TAS2R1: variants seen among roughly 807,000 people sequenced by gnomAD.
The protein encoded by TAS2R1 is taste receptor type 2 member 1.
For missense variants in TAS2R1, 370 were observed against 353.4 expected, an observed-to-expected ratio of 1.05 and a Z score of -0.38; for synonymous variants, 141 against 134.2, an observed-to-expected ratio of 1.05 and a Z score of -0.35.
At chr5:9,631,317 G>GC (rs1161990673), upstream of TAS2R1, among the ~76,000 whole-genome samples, 2 of 152,154 alleles carry the variant, frequency 1.3e-5, no homozygotes, top group African/African-American at 4.8e-5. Flanking sequence ...ACAGCTCACT[G>GC]CAGCTTCAAA....
rs373519747 is a variant in TAS2R1 at position 9,695,521 on chromosome 5, C to T, written c.-242+16651G>A. Reference sequence around the variant, plus strand: ...GGGTGAGGCAAGATGGGCCTAGATGCTGCATTTTGAAGATCTGAAGATGGA... The same window carrying T: ...GGGTGAGGCAAGATGGGCCTAGATGTTGCATTTTGAAGATCTGAAGATGGA... On this transcript the variant is annotated intron_variant, in intron 1 of 2. Transcript: ENST00000506620. 5.4e-4 allele frequency among the ~76,000 whole-genome samples: 82 copies of T among 150,666 alleles called. 3 individuals carry two copies. The South Asian group carries it at 0.017, about 31-fold the overall frequency.
At chr5:9,748,299 C>G in the TAS2R1 span, among the ~76,000 whole-genome samples, 1 of 152,068 alleles carries the variant, frequency 6.6e-6, no homozygotes, top group Non-Finnish European at 1.5e-5. Context: ...GTGGCACAAT[C>G]GCGGCTCACT....
chr5:9,840,044 G>T, the TAS2R1 span, among the ~76,000 whole-genome samples: 8 of 152,258 alleles, frequency 5.3e-5, no homozygotes, highest in Admixed American at 1.3e-4. Context: ...ACAAGCAAAT[G>T]AGATGAAAAG....
the TAS2R1 span, among the ~76,000 whole-genome samples, chr5:9,855,160 G>A: frequency 6.6e-6 from 1 of 152,144 alleles, no homozygotes; most frequent in Non-Finnish European, 1.5e-5. Flanking sequence ...TGACTGACTT[G>A]CAATCAGGGA....
chr5:9,635,384 C>T (rs1204019197), intron 2 of TAS2R1, among the ~76,000 whole-genome samples: 1 of 152,084 alleles, frequency 6.6e-6, no homozygotes, highest in Admixed American at 6.5e-5. Context: ...CTACTTTCAT[C>T]AGGGATATTG....
At chr5:9,790,538 CAT>C in the TAS2R1 span, among the ~76,000 whole-genome samples, 2 of 152,026 alleles carry the variant, frequency 1.3e-5, no homozygotes, top group Admixed American at 1.3e-4. Flanking sequence ...CTCACTTGCA[CAT>C]GTGTTGAAAT....
At chr5:9,855,685 T>C in the TAS2R1 span, among the ~76,000 whole-genome samples, 1 of 152,228 alleles carries the variant, frequency 6.6e-6, no homozygotes, top group African/African-American at 2.4e-5. Context: ...CTTGAGCCAT[T>C]TGAGTATAGC....
At chr5:9,668,510 A>C (rs754872918) in intron 1 of TAS2R1, among the ~76,000 whole-genome samples, 1 of 152,172 alleles carries the variant, frequency 6.6e-6, no homozygotes, top group Non-Finnish European at 1.5e-5. Context: ...ACAGCCAGAG[A>C]GAAGGGGCAG....
the TAS2R1 span, among the ~76,000 whole-genome samples, chr5:9,826,524 T>C: frequency 1.3e-5 from 2 of 152,186 alleles, no homozygotes; most frequent in Non-Finnish European, 2.9e-5. Context: ...AATAGGTACA[T>C]AAGAAGAAAG....
chr5:9,875,691 C>A, the TAS2R1 span, among the ~76,000 whole-genome samples: 3 of 152,110 alleles, frequency 2.0e-5, no homozygotes, highest in African/African-American at 7.2e-5. Flanking sequence ...TGTGTGGCTG[C>A]GCTCGAATGG....
chr5:9,793,408 TAAGA>T, the TAS2R1 span, among the ~76,000 whole-genome samples: 1 of 152,112 alleles, frequency 6.6e-6, no homozygotes, highest in African/African-American at 2.4e-5. Context: ...CTCAGGTAAC[TAAGA>T]AAGAGAAAAC....
the TAS2R1 span, among the ~76,000 whole-genome samples, chr5:9,807,044 A>G: frequency 2.0e-5 from 3 of 152,280 alleles, no homozygotes; most frequent in African/African-American, 7.2e-5. Flanking sequence ...AACTCAAAAA[A>G]TATCAGCAAG....
At chr5:9,720,150 C>A in the TAS2R1 span, among the ~76,000 whole-genome samples, 1 of 152,144 alleles carries the variant, frequency 6.6e-6, no homozygotes, top group South Asian at 2.1e-4. Flanking sequence ...ACTGGAGAGG[C>A]AGTTAAATAG....
the TAS2R1 span, among the ~76,000 whole-genome samples, chr5:9,758,131 A>C: frequency 6.6e-6 from 1 of 152,164 alleles, no homozygotes; most frequent in Admixed American, 6.6e-5. Context: ...AAAGTATTAG[A>C]AATTTGATTT....
intron 1 of TAS2R1, among the ~76,000 whole-genome samples, chr5:9,689,710 A>T (rs908328106): frequency 6.6e-6 from 1 of 152,132 alleles, no homozygotes; most frequent in African/African-American, 2.4e-5. Context: ...CTTAAAAAAA[A>T]TTTCTGTCTA....
At chr5:9,900,643 C>T in the TAS2R1 span, among the ~76,000 whole-genome samples, 5 of 86,580 alleles carry the variant, frequency 5.8e-5, no homozygotes, top group African/African-American at 2.4e-4. Context: ...TTTTTTTAGA[C>T]GGAGTCTGGC....
the TAS2R1 span, among the ~76,000 whole-genome samples, chr5:9,732,143 A>C: frequency 6.6e-6 from 1 of 152,200 alleles, no homozygotes; most frequent in African/African-American, 2.4e-5. Flanking sequence ...CAGAGATCCA[A>C]CTGGTGGGAA....
chr5:9,827,598 GCACACACACACACA>G, the TAS2R1 span, among the ~76,000 whole-genome samples: 1 of 147,324 alleles, frequency 6.8e-6, no homozygotes, highest in Non-Finnish European at 1.5e-5. Context: ...GTGGTGGCAT[GCACACACACACACA>G]CACACACACA....
chr5:9,895,296 AC>A, the TAS2R1 span, among the ~76,000 whole-genome samples: 38 of 152,216 alleles, frequency 2.5e-4, no homozygotes, highest in Non-Finnish European at 8.8e-5. Context: ...TTGAAAGTGG[AC>A]CTGGCTTTGA....
Sources: gnomAD v4.1 joint callset for allele counts (sites outside exome capture counted in the v4.1 genomes callset) on GRCh38, gnomAD v4.1.1 for gene constraint, MANE v1.5 for transcripts, NCBI Gene and HGNC (gene_info 2026-07-23, HGNC 2026-07-21) for gene names.